The following KLF8 variants were observed in gnomAD, a reference collection of about 807,000 sequenced individuals.
The protein encoded by KLF8 is Krueppel-like factor 8.
In KLF8, 10 loss-of-function variants were observed where a neutral mutation model predicts 18.2. That is an observed-to-expected ratio of 0.55 (90% CI 0.34 to 0.93). KLF8 has a LOEUF of 0.93. Ranked by LOEUF, KLF8 falls within the 40% of genes least tolerant of loss-of-function variation. The pLI, the probability that KLF8 is intolerant of heterozygous loss-of-function variation, is 0.02. For synonymous variants in KLF8, 109 were observed against 97.3 expected (o/e 1.12, Z -0.71); for missense variants, 264 against 277.9 (o/e 0.95, Z 0.36).
At chrX:56,173,278 A>G in the KLF8 span, among the ~76,000 whole-genome samples, 1 of 111,715 alleles carries the variant, frequency 9.0e-6, no homozygotes, top group African/African-American at 3.3e-5. Context: ...ATTTTTGTAT[A>G]AGTTGTAAGG....
At chrX:55,985,047 G>A in the KLF8 span, among the ~76,000 whole-genome samples, 1 of 109,011 alleles carries the variant, frequency 9.2e-6, no homozygotes, top group African/African-American at 3.3e-5. Context: ...TAAATAGATT[G>A]CAAAATTGTT....
At chrX:55,977,680 G>A in the KLF8 span, among the ~76,000 whole-genome samples, 1 of 111,773 alleles carries the variant, frequency 8.9e-6, no homozygotes, top group Non-Finnish European at 1.9e-5. Context: ...ACTGGCTAAA[G>A]TTGACTTAAA....
At chrX:56,004,545 A>G in the KLF8 span, among the ~76,000 whole-genome samples, 2 of 112,095 alleles carry the variant, frequency 1.8e-5, no homozygotes, top group Non-Finnish European at 3.8e-5. Flanking sequence ...GCTATTAGAG[A>G]GAGCCACTGG....
At chrX:55,925,103 C>T in the KLF8 span, among the ~76,000 whole-genome samples, 4 of 103,288 alleles carry the variant, frequency 3.9e-5, no homozygotes, top group East Asian at 1.2e-3. Context: ...TCAGGTGATC[C>T]GCCTGCTTCA....
At chrX:56,162,011 C>T in the KLF8 span, among the ~76,000 whole-genome samples, 1 of 112,129 alleles carries the variant, frequency 8.9e-6, no homozygotes, top group South Asian at 3.7e-4. Context: ...AGCTGCAGGT[C>T]TGTTGGAGTT....
At position 56,247,356 on chromosome X, in the gene KLF8, T is replaced by C. The variant is rs746173640; in HGVS notation, c.8-2875T>C. Among the ~76,000 whole-genome samples the C allele has an allele frequency of 4.5e-5, 5 of 112,026 alleles. No individual in the cohort carries two copies. The East Asian group carries it at 1.1e-3, about 25-fold the overall frequency. On this transcript the variant is annotated intron_variant, in intron 1 of 5. Transcript: ENST00000468660. ...GGAAACTTGCAGAACTAGAAGTTGCTCTGAGTAAGTCACTTAGTGAGTAGC... is the reference window on the plus strand; with the variant it reads ...GGAAACTTGCAGAACTAGAAGTTGCCCTGAGTAAGTCACTTAGTGAGTAGC...
intron 2 of KLF8, among the ~76,000 whole-genome samples, chrX:56,264,454 T>C (rs1302763265): frequency 9.0e-6 from 1 of 110,761 alleles, no homozygotes; most frequent in Admixed American, 9.6e-5. Context: ...AATAAATTTA[T>C]TTATTAGTTT....
the KLF8 span, among the ~76,000 whole-genome samples, chrX:56,169,666 G>A: frequency 9.0e-6 from 1 of 111,460 alleles, no homozygotes; most frequent in South Asian, 3.8e-4. Flanking sequence ...CAGCTCAGCT[G>A]CAGTATAATA....
the KLF8 span, among the ~76,000 whole-genome samples, chrX:56,024,151 G>A: frequency 5.1e-3 from 566 of 110,037 alleles, 2 homozygotes; most frequent in Non-Finnish European, 8.9e-3. Context: ...ACAACACTGC[G>A]TACTGACAAT....
chrX:56,011,908 A>C, the KLF8 span, among the ~76,000 whole-genome samples: 1 of 111,830 alleles, frequency 8.9e-6, no homozygotes, highest in Non-Finnish European at 1.9e-5. Context: ...TAAAACAGGA[A>C]GAAGTTGAAT....
chrX:56,236,879 T>C (rs1373368878), intron 1 of KLF8, among the ~76,000 whole-genome samples: 1 of 106,516 alleles, frequency 9.4e-6, no homozygotes, highest in East Asian at 2.9e-4. Flanking sequence ...TGTGTGTGTG[T>C]GAATAACATT....
At chrX:56,242,444 T>C (rs2066559273) in intron 1 of KLF8, among the ~76,000 whole-genome samples, 1 of 112,443 alleles carries the variant, frequency 8.9e-6, no homozygotes, top group African/African-American at 3.2e-5. Flanking sequence ...GGCTATTTTA[T>C]CTTTACATCT....
the KLF8 span, among the ~76,000 whole-genome samples, chrX:56,057,598 T>C: frequency 0.53 from 58,048 of 110,093 alleles, 13,730 homozygotes; most frequent in East Asian, 0.76. Context: ...ATGATGCAGG[T>C]CCCTAGGGCA....
chrX:56,211,530 G>A, the KLF8 span, among the ~76,000 whole-genome samples: 4 of 111,950 alleles, frequency 3.6e-5, no homozygotes, highest in Non-Finnish European at 7.5e-5. Context: ...ACCACTCCGT[G>A]GCTACTGTCT....
chrX:56,285,571 A>G lies in KLF8; in HGVS notation c.*1077A>G, dbSNP rs1229964285. 1 of 111,764 alleles carries G rather than the reference A, an allele frequency of 8.9e-6. No homozygotes were observed. The allele number at this position is 111,764 out of a possible 1,213,427, so 9.2% of individuals were successfully genotyped here. On this transcript the variant is annotated 3_prime_UTR_variant, in exon 6 of 6. Coordinates refer to ENST00000468660, the MANE Select transcript of KLF8 (RefSeq NM_007250.5). ...AGAAGTAAGGGGTTGGAAAAATGGA[A>G]TGTTGTTCACTCCATGGAATTATTG...
At chrX:56,192,471 A>C in the KLF8 span, among the ~76,000 whole-genome samples, 5 of 111,872 alleles carry the variant, frequency 4.5e-5, no homozygotes, top group Non-Finnish European at 9.4e-5. Context: ...ACACAATCCT[A>C]AAATTTATAT....
At chrX:56,111,515 A>G in the KLF8 span, among the ~76,000 whole-genome samples, 2 of 112,477 alleles carry the variant, frequency 1.8e-5, no homozygotes, top group African/African-American at 6.5e-5. Flanking sequence ...TGCACATCAA[A>G]ATAAACTATC....
the KLF8 span, among the ~76,000 whole-genome samples, chrX:56,163,697 G>T: frequency 3.6e-5 from 4 of 111,823 alleles, no homozygotes; most frequent in Non-Finnish European, 7.5e-5. Context: ...CAGTGGTATG[G>T]TCTAGGTTGT....
chrX:56,105,048 G>A, the KLF8 span, among the ~76,000 whole-genome samples: 1 of 112,029 alleles, frequency 8.9e-6, no homozygotes, highest in Non-Finnish European at 1.9e-5. Flanking sequence ...TTAATCCTGA[G>A]TTCTAATTTG....
Sources: allele counts gnomAD v4.1 joint callset (sites outside exome capture counted in the v4.1 genomes callset), GRCh38; gene constraint gnomAD v4.1.1; transcripts MANE v1.5; gene names NCBI Gene and HGNC (gene_info 2026-07-23, HGNC 2026-07-21).